Variants in LRIG2 observed in about 807,000 individuals in gnomAD.
LRIG2 encodes leucine-rich repeats and immunoglobulin-like domains protein 2.
Under a neutral mutation model 107.8 loss-of-function variants are expected in LRIG2, and 93 were observed. That is an observed-to-expected ratio of 0.86 (90% CI 0.73 to 1.03). LRIG2 has a LOEUF of 1.03. Ranked by LOEUF, LRIG2 falls within the 50% of genes least tolerant of loss-of-function variation. LRIG2 has a pLI of 0.00. For missense variants in LRIG2, 1,226 were observed against 1,296.0 expected, an observed-to-expected ratio of 0.95 and a Z score of 0.83; for synonymous variants, 471 against 470.6, an observed-to-expected ratio of 1.00 and a Z score of -0.01.
At chr1:113,100,109 A>AAT in intron 9 of LRIG2, 102 bp from the exon 10 acceptor site, 3 of 608,930 alleles carry the variant, frequency 4.9e-6, no homozygotes, top group Non-Finnish European at 8.4e-6. Context: ...AAGTATATAA[A>AAT]AAAGTACGCT....
At chr1:113,088,790 C>T (rs545686256) in intron 1 of LRIG2, among the ~76,000 whole-genome samples, 47 of 152,204 alleles carry the variant, frequency 3.1e-4, no homozygotes, top group South Asian at 2.7e-3. Context: ...AAAACAACAA[C>T]AAAAAACATC....
At chr1:113,079,347 A>T (rs1389259757) in intron 1 of LRIG2, among the ~76,000 whole-genome samples, 9 of 68,510 alleles carry the variant, frequency 1.3e-4, no homozygotes, top group African/African-American at 1.9e-4. Flanking sequence ...GATCCTATTT[A>T]AAAAAAAAAA....
chr1:113,123,764 TTCA>T, intron 17 of LRIG2, 108 bp from the exon 18 acceptor site: 1 of 708,782 alleles, frequency 1.4e-6, no homozygotes, highest in African/African-American at 1.8e-5. Flanking sequence ...TGTGTGTGAT[TTCA>T]GTGTCCCTAT....
chr1:113,102,706 A>C (rs1399329657), intron 11 of LRIG2, among the ~76,000 whole-genome samples: 3 of 152,014 alleles, frequency 2.0e-5, no homozygotes, highest in African/African-American at 7.2e-5. Context: ...CTTTTTAAAG[A>C]GAGAGTTAGG....
intron 1 of LRIG2, among the ~76,000 whole-genome samples, chr1:113,083,818 A>G (rs2101021405): frequency 8.3e-6 from 1 of 120,838 alleles, no homozygotes; most frequent in African/African-American, 3.2e-5. Context: ...ACACTTGGAC[A>G]CAGGGTGGGG....
rs1436252940 is a variant in LRIG2 at position 113,127,996 on chromosome 1, A to ACTTC, written c.*3898_*3901dup. 1 of 152,070 alleles carries ACTTC rather than the reference A, an allele frequency of 6.6e-6. No homozygotes were observed. The highest frequency in any genetic ancestry group is 2.4e-5 in the African/African-American group (1 of 41,406). 9.4% of individuals were successfully genotyped at this position (152,070 alleles called of 1,614,324 possible). A position where few individuals can be genotyped will look rare whatever the true frequency, so the allele number is the denominator to read the frequency against. On this transcript the variant is annotated 3_prime_UTR_variant, in exon 18 of 18. Transcript: ENST00000361127. ...TCTTTGTGCTTTCAGATTTCCTTAC[A>ACTTC]CTTCCTGTCCAGTTCTCTCTTCTAA...
chr1:113,120,865 C>A (rs1655222413), intron 17 of LRIG2, among the ~76,000 whole-genome samples: 1 of 149,984 alleles, frequency 6.7e-6, no homozygotes, highest in Non-Finnish European at 1.5e-5. Flanking sequence ...GTTGCCCAGG[C>A]TGGAGTCCAG....
chr1:113,101,957 T>C (rs554089324), intron 11 of LRIG2, among the ~76,000 whole-genome samples: 2 of 152,192 alleles, frequency 1.3e-5, no homozygotes, highest in Non-Finnish European at 2.9e-5. Context: ...CCAGTAGATA[T>C]ATAATATCTC....
chr1:113,102,198 C>G (rs1654334737), intron 11 of LRIG2, among the ~76,000 whole-genome samples: 1 of 152,014 alleles, frequency 6.6e-6, no homozygotes, highest in Non-Finnish European at 1.5e-5. Context: ...AATTAAATAT[C>G]TACAATTTTT....
intron 11 of LRIG2, 111 bp downstream of exon 11, chr1:113,100,599 A>G (rs927517966): frequency 4.8e-6 from 3 of 621,880 alleles, no homozygotes; most frequent in African/African-American, 3.7e-5. Flanking sequence ...CAGTTCAGGC[A>G]GGAAAAAAGA....
chr1:113,073,526 A>G lies in LRIG2; in HGVS notation c.120A>G (p.Ala40=). ...TALLLLPAAG[A]GLCPAPCSCR... ...TCCTCCTGTTGCCCGCCGCCGGAGCAGGTCTCTGCCCCGCGCCCTGCTCCT... is the reference window on the plus strand; with the variant it reads ...TCCTCCTGTTGCCCGCCGCCGGAGCGGGTCTCTGCCCCGCGCCCTGCTCCT... Residue 40 remains alanine, a synonymous_variant, in exon 1 of 18, where the codon GCA becomes GCG. Coordinates refer to ENST00000361127, the MANE Select transcript of LRIG2 (RefSeq NM_014813.3). 1 of 1,614,008 alleles carries G rather than the reference A, an allele frequency of 6.2e-7. No homozygotes were observed.
intron 14 of LRIG2, among the ~76,000 whole-genome samples, chr1:113,114,068 GTTTTTC>G (rs1015130143): frequency 8.6e-5 from 13 of 151,882 alleles, no homozygotes; most frequent in Admixed American, 2.6e-4. Flanking sequence ...ATTTAAAAAT[GTTTTTC>G]TTTATTCTTT....
At chr1:113,108,650 G>A (rs1045326628) in intron 12 of LRIG2, among the ~76,000 whole-genome samples, 7 of 152,018 alleles carry the variant, frequency 4.6e-5, no homozygotes, top group Admixed American at 2.0e-4. Flanking sequence ...GCTGAGGCAG[G>A]TGGGTCATCT....
Position 113,114,461 on chromosome 1 carries a change from G to A in LRIG2, c.2115G>A (p.Lys705=). 1 of 1,612,368 alleles carries A rather than the reference G, an allele frequency of 6.2e-7. No individual in the cohort carries two copies. The highest frequency in any genetic ancestry group is 8.5e-7 in the Non-Finnish European group (1 of 1,179,430). The change falls in exon 15 of 18, where the codon AAG becomes AAA. Residue 705 remains lysine, a synonymous_variant. Coordinates refer to ENST00000361127, the MANE Select transcript of LRIG2 (RefSeq NM_014813.3). ...CATTTATTAGACCCCTGGAGGATAAGACAGTAACACGAGGTGAAACTGCGG... is the reference window on the plus strand; with the variant it reads ...CATTTATTAGACCCCTGGAGGATAAAACAGTAACACGAGGTGAAACTGCGG... ...TPSFIRPLED[K]TVTRGETAVL...
chr1:113,101,358 G>A (rs1271875729), intron 11 of LRIG2, among the ~76,000 whole-genome samples: 3 of 151,996 alleles, frequency 2.0e-5, no homozygotes, highest in African/African-American at 4.8e-5. Flanking sequence ...GTGAGCCACC[G>A]GTCCCGCCTG....
At chr1:113,109,611 C>G (rs552517350) in intron 12 of LRIG2, among the ~76,000 whole-genome samples, 2 of 152,146 alleles carry the variant, frequency 1.3e-5, no homozygotes, top group East Asian at 1.9e-4. Context: ...CTCTACCCCC[C>G]GGGTTCAAGT....
chr1:113,082,019 C>G (rs1454471433), intron 1 of LRIG2, among the ~76,000 whole-genome samples: 1 of 152,068 alleles, frequency 6.6e-6, no homozygotes, highest in African/African-American at 2.4e-5. Flanking sequence ...ATCCCTAAAC[C>G]AAATTGGGCA....
Position 113,073,503 on chromosome 1 carries a change from C to T in LRIG2, c.97C>T (p.Leu33Phe). The stretch of plus-strand genomic sequence containing the variant: ...ACTCTTCATTGCCCAGACCGCTCTC[C>T]TCCTGTTGCCCGCCGCCGGAGCAGG... ...RLLFIAQTAL[L>F]LLPAAGAGLC... Residue 33 changes from leucine (L) to phenylalanine (F), a missense_variant, in exon 1 of 18, where the codon CTC (leucine) becomes TTC (phenylalanine). Leu to Phe is a conservative substitution (Grantham distance 22, BLOSUM62 0). This residue lies in a region of LRIG2 where 570 missense variants were observed against 550.2 expected (regional missense o/e 1.04). Coordinates refer to ENST00000361127, the MANE Select transcript of LRIG2 (RefSeq NM_014813.3). 2 of 1,614,178 alleles carry T rather than the reference C, an allele frequency of 1.2e-6. No homozygotes were observed. Among genetic ancestry groups the T allele is most frequent in the South Asian group, 1.1e-5 (1 of 91,090 alleles).
intron 1 of LRIG2, among the ~76,000 whole-genome samples, chr1:113,074,062 G>C (rs765075979): frequency 6.6e-6 from 1 of 152,056 alleles, no homozygotes; most frequent in Non-Finnish European, 1.5e-5. Flanking sequence ...CAGACTTAGT[G>C]GTCCTCAGGC....
Sources: allele counts gnomAD v4.1 joint callset (sites outside exome capture counted in the v4.1 genomes callset), GRCh38; gene constraint gnomAD v4.1.1; regional missense constraint gnomAD v4.1.1; transcripts MANE v1.5; gene names NCBI Gene and HGNC (gene_info 2026-07-23, HGNC 2026-07-21).